The following MYH9 variants were observed in gnomAD, a reference collection of about 807,000 sequenced individuals.
MYH9 encodes myosin heavy chain 9.
A neutral mutation model predicts 241.9 loss-of-function variants in MYH9; 29 were observed. That is an observed-to-expected ratio of 0.12 (90% confidence interval 0.09 to 0.16). The LOEUF (loss-of-function observed/expected upper bound fraction) is 0.16, where lower values mean the gene tolerates loss of function less well. Ranked by LOEUF, MYH9 falls within the 10% of genes least tolerant of loss-of-function variation. The pLI is 1.00. For missense variants in MYH9, 1,803 were observed against 2,595.5 expected, an observed-to-expected ratio of 0.69 and a Z score of 6.63; for synonymous variants, 1,047 against 1,062.6, an observed-to-expected ratio of 0.99 and a Z score of 0.29.
At chr22:36,384,488 C>T (rs888780664) in intron 1 of MYH9, among the ~76,000 whole-genome samples, 1 of 139,858 alleles carries the variant, frequency 7.2e-6, no homozygotes, top group Non-Finnish European at 1.5e-5. Context: ...GAGGCTGAGG[C>T]AGGAGAATTG....
chr22:36,360,349 C>G (rs1446527634), intron 1 of MYH9, among the ~76,000 whole-genome samples: 3 of 152,048 alleles, frequency 2.0e-5, no homozygotes, highest in Admixed American at 1.3e-4. Context: ...GATGGAATGC[C>G]GTCTCCCTAT....
intron 12 of MYH9, among the ~76,000 whole-genome samples, chr22:36,316,285 T>G: frequency 6.6e-6 from 1 of 150,562 alleles, no homozygotes; most frequent in African/African-American, 2.5e-5. Flanking sequence ...CTGCCGGCCT[T>G]GGCCTCCCAA....
At chr22:36,319,816 T>C (rs1354847794) in intron 9 of MYH9, 181 bp from the exon 10 acceptor site, 2 of 659,230 alleles carry the variant, frequency 3.0e-6, no homozygotes, top group East Asian at 5.4e-5. Flanking sequence ...CCAGCCACCC[T>C]AGAGGGCTCA....
chr22:36,376,359 C>A (rs761169605), intron 1 of MYH9, among the ~76,000 whole-genome samples: 2 of 152,224 alleles, frequency 1.3e-5, no homozygotes, highest in Non-Finnish European at 2.9e-5. Context: ...CTCCCTCCTC[C>A]TCCCAGGCAA....
chr22:36,384,380 C>T (rs1340925373), intron 1 of MYH9, among the ~76,000 whole-genome samples: 1 of 150,346 alleles, frequency 6.7e-6, no homozygotes, highest in Non-Finnish European at 1.5e-5. Context: ...GTCAGGAGTT[C>T]GAGATCAGCC....
Position 36,281,936 on chromosome 22 carries a change from G to A in MYH9, c.*732C>T, listed in dbSNP as rs12107. 0.18 allele frequency: 42,166 copies of A among 231,954 alleles called. 6,244 individuals are homozygous for A. Among genetic ancestry groups the A allele is most frequent in the East Asian group, 0.66 (10,827 of 16,344 alleles). 14.4% of individuals were successfully genotyped at this position (231,954 alleles called of 1,614,324 possible). ...CTGCTGGCCTTTCCAGCTTGACCCC[G>A]ACAGCCTTGCTGTGGCAGAGGCAGG... On this transcript the variant is annotated 3_prime_UTR_variant, in exon 41 of 41. Coordinates refer to ENST00000216181, the MANE Select transcript of MYH9 (RefSeq NM_002473.6).
chr22:36,336,893 G>A (rs1214931972), intron 3 of MYH9, among the ~76,000 whole-genome samples: 1 of 152,230 alleles, frequency 6.6e-6, no homozygotes, highest in African/African-American at 2.4e-5. Flanking sequence ...AGGGCATCCA[G>A]TAACAGGATA....
intron 27 of MYH9, 68 bp downstream of exon 27, chr22:36,294,864 G>T: frequency 6.3e-7 from 1 of 1,598,088 alleles, no homozygotes; most frequent in Non-Finnish European, 8.5e-7. Flanking sequence ...TGCAGGACTG[G>T]TTTGGATTCT....
chr22:36,291,884 C>A (rs905898992), intron 31 of MYH9, 102 bp downstream of exon 31: 12 of 1,576,438 alleles, frequency 7.6e-6, no homozygotes, highest in South Asian at 1.1e-5. Context: ...CCCTCCCCGG[C>A]GAGACCCTGA....
Position 36,302,664 on chromosome 22 carries a change from C to G in MYH9, c.2403G>C (p.Lys801Asn). The G allele has an allele frequency of 6.2e-7, 1 of 1,613,284 alleles. No individual in the cohort carries two copies. Among genetic ancestry groups the G allele is most frequent in the South Asian group, 1.1e-5 (1 of 91,080 alleles). Residue 801 changes from lysine to asparagine, a missense_variant, in exon 20 of 41, where the codon AAG becomes AAC. By Grantham distance (94) the Lys-to-Asn change is moderately conservative (BLOSUM62 0). Transcript: ENST00000216181. The part of the protein sequence containing the change: ...RGYLARKAFA[K>N]RQQQLTAMKV... ...TCATGGCGGTAAGCTGCTGCTGCCG[C>G]TTGGCAAATGCTCTGTGTGGTGAGG... is the stretch of plus-strand genomic sequence containing the variant.
chr22:36,289,287 T>C lies in MYH9; in HGVS notation c.4355A>G (p.Glu1452Gly). The C allele has an allele frequency of 6.2e-7, 1 of 1,610,206 alleles. No homozygotes were observed. The highest frequency in any genetic ancestry group is 2.2e-5 in the East Asian group (1 of 44,782). ...ATACTTGGCAGAGATGGTCTTCTCC[T>C]CCGCCAGGAGCTGGGAAAGAGGTGG... ...KQKKFDQLLA[E>G]EKTISAKYAE... The change falls in exon 32 of 41, where the codon GAG (glutamate) becomes GGG (glycine). Residue 1452 changes from glutamate (E) to glycine (G), a missense_variant. Coordinates refer to ENST00000216181, the MANE Select transcript of MYH9 (RefSeq NM_002473.6).
At position 36,295,617 on chromosome 22, in the gene MYH9, C is replaced by T; in HGVS notation, c.3373G>A (p.Ala1125Thr). The T allele has an allele frequency of 1.2e-6, 2 of 1,613,992 alleles. No homozygotes were observed. Among genetic ancestry groups the T allele is most frequent in the South Asian group, 1.1e-5 (1 of 91,060 alleles). The change falls in exon 26 of 41, where the codon GCT becomes ACT. Residue 1125 changes from alanine to threonine, a missense_variant. By Grantham distance (58) the Ala-to-Thr change is moderately conservative. Coordinates refer to ENST00000216181, the MANE Select transcript of MYH9 (RefSeq NM_002473.6). This position sits in a 1 kb window ranked among gnomAD's most constrained non-coding sequence, Gnocchi z 4.1. ...ELQEDLESER[A>T]SRNKAEKQKR... is the part of the protein sequence containing the mutation. ...TGCTTCTCAGCTTTATTCCTGGAAG[C>T]ACGCTCAGACTCCAGGTCTTCCTGG...
At chr22:36,373,644 C>T (rs1348687027) in intron 1 of MYH9, among the ~76,000 whole-genome samples, 3 of 152,302 alleles carry the variant, frequency 2.0e-5, no homozygotes, top group South Asian at 2.1e-4. Context: ...GTCTACGCTG[C>T]GAGCCCCCTC....
chr22:36,335,652 A>G (rs956053037), intron 3 of MYH9, among the ~76,000 whole-genome samples: 4 of 152,172 alleles, frequency 2.6e-5, no homozygotes, highest in Admixed American at 1.3e-4. Flanking sequence ...ATGTGGAGAG[A>G]AGGAAAGAGA....
At chr22:36,348,020 T>C (rs1035733549) in intron 2 of MYH9, among the ~76,000 whole-genome samples, 1 of 148,294 alleles carries the variant, frequency 6.7e-6, no homozygotes, top group Non-Finnish European at 1.5e-5. Flanking sequence ...AAAAATATCT[T>C]TTAAAATATT....
chr22:36,377,029 C>T (rs1167450646), intron 1 of MYH9, among the ~76,000 whole-genome samples: 3 of 151,320 alleles, frequency 2.0e-5, no homozygotes, highest in Middle Eastern at 3.4e-3. Context: ...TGCAACTGTA[C>T]TCTAGCCTAG....
intron 15 of MYH9, 74 bp downstream of exon 15, chr22:36,309,208 C>T (rs912066228): frequency 1.2e-5 from 15 of 1,282,152 alleles, no homozygotes; most frequent in South Asian, 1.2e-5. Flanking sequence ...TTTGGCAGCT[C>T]GGCCCACTGT....
At chr22:36,286,890 CCCTCCACCCCAACCCTCATGGGTCA>C in intron 34 of MYH9, 44 bp from the exon 35 acceptor site, 1 of 1,600,774 alleles carries the variant, frequency 6.2e-7, no homozygotes, top group Non-Finnish European at 8.5e-7. Context: ...AGCTCCTTGG[CCCTCCACCCCAACCCTCATGGGTCA>C]CCTCGCCAAC....
chr22:36,325,897 G>A (rs1024511129), intron 5 of MYH9, among the ~76,000 whole-genome samples: 5 of 152,218 alleles, frequency 3.3e-5, no homozygotes, highest in African/African-American at 1.2e-4. Flanking sequence ...TAAAAGAAGA[G>A]TTCTAGCTGC....
Sources: allele counts gnomAD v4.1 joint callset (sites outside exome capture counted in the v4.1 genomes callset), GRCh38; gene constraint gnomAD v4.1.1; non-coding constraint Gnocchi (gnomAD v3.1); transcripts MANE v1.5; gene names NCBI Gene and HGNC (gene_info 2026-07-23, HGNC 2026-07-21).